DYNC1I1: variants seen among roughly 807,000 people sequenced by gnomAD.
DYNC1I1 encodes the protein dynein cytoplasmic 1 intermediate chain 1.
Under a neutral mutation model 86.6 loss-of-function variants are expected in DYNC1I1, and 43 were observed. That is an observed-to-expected ratio of 0.50 (90% CI 0.39 to 0.64). DYNC1I1 has a LOEUF of 0.64. Ranked by LOEUF, DYNC1I1 falls within the 30% of genes least tolerant of loss-of-function variation. The pLI is 0.00. For synonymous variants in DYNC1I1, 262 were observed against 283.7 expected (o/e 0.92, Z 0.77); for missense variants, 604 against 788.8 (o/e 0.77, Z 2.81).
chr7:95,973,974 G>A (rs1235511601), intron 6 of DYNC1I1, among the ~76,000 whole-genome samples: 4 of 152,078 alleles, frequency 2.6e-5, no homozygotes, highest in African/African-American at 9.7e-5. Context: ...CTCCCCTCAC[G>A]TCCATGGATT....
In DYNC1I1 at chr7:95,912,283, C is replaced by T. The variant is rs374292967; in HGVS notation, c.490+42285C>T. The stretch of plus-strand genomic sequence containing the variant: ...AAATCCTGACCTCAGGTGATCCACC[C>T]GCTTTGGCCTCCCAAAGTGCTGGGA... On this transcript the variant is annotated intron_variant, in intron 6 of 16. Coordinates refer to ENST00000447467, the MANE Select transcript of DYNC1I1 (RefSeq NM_001135556.2). 5.9e-5 allele frequency among the ~76,000 whole-genome samples: 9 copies of T among 152,190 alleles called. No individual in the cohort carries two copies. The East Asian group carries it at 1.5e-3, about 26-fold the overall frequency.
chr7:95,882,405 G>A (rs1448754921), intron 6 of DYNC1I1, among the ~76,000 whole-genome samples: 3 of 152,188 alleles, frequency 2.0e-5, no homozygotes, highest in Admixed American at 6.5e-5. Flanking sequence ...AGAGGACAAA[G>A]AGATGCACCA....
At chr7:96,105,073 AT>A (rs200354966) in intron 16 of DYNC1I1, among the ~76,000 whole-genome samples, 1 of 151,848 alleles carries the variant, frequency 6.6e-6, no homozygotes, top group Non-Finnish European at 1.5e-5. Flanking sequence ...ATAACAACTA[AT>A]TTTTTATGCT....
intron 9 of DYNC1I1, among the ~76,000 whole-genome samples, chr7:95,995,562 G>A (rs112000003): frequency 0.011 from 1,688 of 152,268 alleles, 17 homozygotes; most frequent in Non-Finnish European, 0.016. Context: ...TACTCAGCGA[G>A]AATAGCCCTC....
At chr7:95,900,509 G>T (rs1259340100) in intron 6 of DYNC1I1, among the ~76,000 whole-genome samples, 1 of 152,116 alleles carries the variant, frequency 6.6e-6, no homozygotes, top group Non-Finnish European at 1.5e-5. Context: ...GGTTAGATGT[G>T]TATAGTTAAA....
chr7:95,902,793 G>A (rs1026959450), intron 6 of DYNC1I1, among the ~76,000 whole-genome samples: 3 of 152,208 alleles, frequency 2.0e-5, no homozygotes, highest in African/African-American at 7.2e-5. Context: ...GGAGTTCAAC[G>A]TGTTCTTTAT....
Position 95,979,568 on chromosome 7 carries a change from G to GGTT in DYNC1I1, c.580+1968_580+1970dup, listed in dbSNP as rs143857813. On this transcript the variant is annotated intron_variant, in intron 7 of 16. Coordinates refer to ENST00000447467, the MANE Select transcript of DYNC1I1 (RefSeq NM_001135556.2). ...GCCCATAGCTTTGAAATGAGAACAT[G>GGTT]GTTACAGGGGCCCCAGCTAGCTAGT... Among the ~76,000 whole-genome samples, 1,144 of 152,304 alleles carry GGTT rather than the reference G, an allele frequency of 7.5e-3. 16 individuals are homozygous for GGTT. The highest frequency in any genetic ancestry group is 0.026 in the African/African-American group (1,085 of 41,562).
intron 6 of DYNC1I1, among the ~76,000 whole-genome samples, chr7:95,892,326 C>G (rs1364160108): frequency 2.0e-5 from 3 of 151,322 alleles, no homozygotes; most frequent in Non-Finnish European, 4.4e-5. Flanking sequence ...TTTCTTCCCC[C>G]CGAGACAGAG....
intron 10 of DYNC1I1, among the ~76,000 whole-genome samples, chr7:95,996,511 A>C (rs1793871874): frequency 6.6e-6 from 1 of 152,204 alleles, no homozygotes; most frequent in Admixed American, 6.5e-5. Flanking sequence ...TACTTAACAG[A>C]TAATACTTTT....
intron 16 of DYNC1I1, among the ~76,000 whole-genome samples, chr7:96,084,048 T>C (rs150983264): frequency 1.3e-5 from 2 of 151,468 alleles, no homozygotes; most frequent in African/African-American, 4.8e-5. Flanking sequence ...TTTGAGGAGA[T>C]TTTTTTTTAG....
At position 95,810,423 on chromosome 7, in the gene DYNC1I1, A is replaced by G. The variant is rs76250658; in HGVS notation, c.140A>G (p.Gln47Arg). The G allele has an allele frequency of 6.2e-7, 1 of 1,612,614 alleles. No homozygotes were observed. Among genetic ancestry groups the G allele is most frequent in the African/African-American group, 1.3e-5 (1 of 74,826 alleles). The part of the protein sequence containing the change: ...ADMQQKKEPV[Q>R]DDSDLDRKRR... ...ATGCAGCAGAAGAAAGAACCCGTTC[A>G]GGACGACTCTGATCTGGATCGCAAA... The change falls in exon 3 of 17, where the codon CAG becomes CGG. Residue 47 changes from glutamine to arginine, a missense_variant. By Grantham distance (43) the Gln-to-Arg change is conservative. Coordinates refer to ENST00000447467, the MANE Select transcript of DYNC1I1 (RefSeq NM_001135556.2).
intron 1 of DYNC1I1, among the ~76,000 whole-genome samples, chr7:95,799,132 C>A (rs1306267159): frequency 1.3e-5 from 2 of 152,096 alleles, no homozygotes; most frequent in Admixed American, 6.5e-5. Context: ...GCTTATAACC[C>A]CAGCGAAGGC....
intron 1 of DYNC1I1, among the ~76,000 whole-genome samples, chr7:95,800,118 T>C (rs1351655489): frequency 6.7e-6 from 1 of 149,382 alleles, no homozygotes; most frequent in Non-Finnish European, 1.5e-5. Flanking sequence ...CTGAGACATT[T>C]GGGAGGATAA....
intron 6 of DYNC1I1, among the ~76,000 whole-genome samples, chr7:95,953,489 A>C (rs1792616702): frequency 6.6e-6 from 1 of 152,174 alleles, no homozygotes; most frequent in Non-Finnish European, 1.5e-5. Context: ...TCTTTATTTT[A>C]AAATCACTTT....
chr7:96,011,759 C>T (rs376395400), intron 10 of DYNC1I1, among the ~76,000 whole-genome samples: 1 of 152,238 alleles, frequency 6.6e-6, no homozygotes, highest in South Asian at 2.1e-4. Context: ...GTGTACTGTT[C>T]AATTAACTTT....
In DYNC1I1 at chr7:95,943,320, C is replaced by T. The variant is rs1436249988; in HGVS notation, c.491-34192C>T. Reference sequence around the variant, plus strand: ...ACCTAGGAATCCAACTTACAAGGGACATGAAGGACCTCTTCAAGGAGAACT... The same window carrying T: ...ACCTAGGAATCCAACTTACAAGGGATATGAAGGACCTCTTCAAGGAGAACT... On this transcript the variant is annotated intron_variant, in intron 6 of 16. Transcript: ENST00000447467. 3.3e-5 allele frequency among the ~76,000 whole-genome samples: 5 copies of T among 151,278 alleles called. No homozygotes were observed. In the East Asian group the frequency reaches 7.8e-4, roughly 24 times the overall value.
intron 4 of DYNC1I1, among the ~76,000 whole-genome samples, chr7:95,826,891 G>A (rs1309181485): frequency 6.6e-6 from 1 of 152,176 alleles, no homozygotes; most frequent in Non-Finnish European, 1.5e-5. Context: ...GAGAAGTTTG[G>A]AAGATCACTG....
intron 6 of DYNC1I1, among the ~76,000 whole-genome samples, chr7:95,967,342 T>G (rs943686496): frequency 6.6e-6 from 1 of 152,150 alleles, no homozygotes; most frequent in Admixed American, 6.6e-5. Flanking sequence ...AGGAACAATT[T>G]GGGGAACTGG....
At chr7:95,875,456 A>G (rs1159142289) in intron 6 of DYNC1I1, among the ~76,000 whole-genome samples, 1 of 152,166 alleles carries the variant, frequency 6.6e-6, no homozygotes, top group East Asian at 1.9e-4. Flanking sequence ...CATGGAGAAA[A>G]TATACAAAAT....
Sources: gnomAD v4.1 joint callset for allele counts (sites outside exome capture counted in the v4.1 genomes callset) on GRCh38, gnomAD v4.1.1 for gene constraint, MANE v1.5 for transcripts, NCBI Gene and HGNC (gene_info 2026-07-23, HGNC 2026-07-21) for gene names.